NTRK2: variants seen among roughly 807,000 people sequenced by gnomAD.
NTRK2 encodes the protein neurotrophic receptor tyrosine kinase 2.
In NTRK2, 13 loss-of-function variants were observed where a neutral mutation model predicts 94.5. The observed-to-expected ratio is 0.14, with a 90% confidence interval of 0.09 to 0.22. The LOEUF (loss-of-function observed/expected upper bound fraction) is 0.22. Ranked by LOEUF, NTRK2 falls within the 10% of genes least tolerant of loss-of-function variation. The pLI is 1.00. For synonymous variants in NTRK2, 372 were observed against 407.4 expected, an observed-to-expected ratio of 0.91 and a Z score of 1.05; for missense variants, 639 against 1,071.2, an observed-to-expected ratio of 0.60 and a Z score of 5.63.
At chr9:84,766,188 G>A (rs1365739733) in intron 12 of NTRK2, among the ~76,000 whole-genome samples, 1 of 152,132 alleles carries the variant, frequency 6.6e-6, no homozygotes, top group Admixed American at 6.6e-5. Context: ...CTGCTACGAT[G>A]ACACTGGGGC....
At chr9:84,734,634 G>A (rs543136828) in intron 9 of NTRK2, among the ~76,000 whole-genome samples, 14 of 152,308 alleles carry the variant, frequency 9.2e-5, no homozygotes, top group African/African-American at 3.4e-4. Context: ...TCTCATGACA[G>A]TGAATAAGTC....
intron 12 of NTRK2, among the ~76,000 whole-genome samples, chr9:84,829,790 A>G (rs965012953): frequency 4.6e-5 from 7 of 152,098 alleles, no homozygotes; most frequent in African/African-American, 1.7e-4. Flanking sequence ...GGGTCATTTA[A>G]TCCTCTGCAC....
chr9:84,905,957 G>A (rs891148679), intron 14 of NTRK2, among the ~76,000 whole-genome samples: 5 of 152,208 alleles, frequency 3.3e-5, no homozygotes, highest in Non-Finnish European at 7.3e-5. Flanking sequence ...GAGAGAAGAG[G>A]TATAAAGAAC....
intron 12 of NTRK2, among the ~76,000 whole-genome samples, chr9:84,849,919 G>T (rs1191583270): frequency 3.9e-5 from 6 of 152,136 alleles, no homozygotes; most frequent in Non-Finnish European, 8.8e-5. Context: ...TGATGCTGTT[G>T]TATCTTATGA....
At chr9:84,934,033 T>G in intron 14 of NTRK2, 129 bp from the exon 15 acceptor site, 1 of 986,414 alleles carries the variant, frequency 1.0e-6, no homozygotes, top group South Asian at 1.4e-5. Flanking sequence ...ACCCAGCTTC[T>G]TCGGTTCACT....
At chr9:84,775,226 C>T (rs1221773308) in intron 12 of NTRK2, among the ~76,000 whole-genome samples, 2 of 152,258 alleles carry the variant, frequency 1.3e-5, no homozygotes, top group African/African-American at 2.4e-5. Context: ...GGCACCTGCT[C>T]CTCTCCCTCA....
chr9:84,896,911 G>A (rs1587858080), intron 14 of NTRK2, among the ~76,000 whole-genome samples: 1 of 152,140 alleles, frequency 6.6e-6, no homozygotes, highest in African/African-American at 2.4e-5. Flanking sequence ...AGGAGCAAGA[G>A]GAGTAGGCAT....
intron 3 of NTRK2, 29 bp from the exon 4 acceptor site, chr9:84,702,319 A>C (rs200338934): frequency 6.2e-7 from 1 of 1,612,472 alleles, no homozygotes; most frequent in East Asian, 2.2e-5. Context: ...GGTTCGTTCT[A>C]ATGTGCATGA....
chr9:84,736,315 G>C (rs961136236), intron 9 of NTRK2, among the ~76,000 whole-genome samples: 1 of 152,192 alleles, frequency 6.6e-6, no homozygotes, highest in Admixed American at 6.5e-5. Flanking sequence ...ATGCGCGTCA[G>C]GAACAAACTA....
At chr9:84,835,401 A>T (rs1239441956) in intron 12 of NTRK2, among the ~76,000 whole-genome samples, 1 of 152,140 alleles carries the variant, frequency 6.6e-6, no homozygotes, top group African/African-American at 2.4e-5. Context: ...CCACTCCAAA[A>T]GGCAGTCAGG....
At chr9:84,924,528 A>G (rs2077691552) in intron 14 of NTRK2, among the ~76,000 whole-genome samples, 1 of 152,238 alleles carries the variant, frequency 6.6e-6, no homozygotes, top group Non-Finnish European at 1.5e-5. Flanking sequence ...GAGAGCTGTC[A>G]GGGCAAATCA....
chr9:84,884,034 A>G (rs2076342552), intron 14 of NTRK2, among the ~76,000 whole-genome samples: 1 of 152,212 alleles, frequency 6.6e-6, no homozygotes, highest in Non-Finnish European at 1.5e-5. Flanking sequence ...ATTTCATTTT[A>G]TGTGATTTGA....
intron 14 of NTRK2, among the ~76,000 whole-genome samples, chr9:84,912,518 A>G (rs2132498937): frequency 6.6e-6 from 1 of 150,426 alleles, no homozygotes; most frequent in South Asian, 2.1e-4. Flanking sequence ...TCTTTGCTAT[A>G]CAGTTTACTG....
chr9:84,776,565 C>T (rs1255333038), intron 12 of NTRK2, among the ~76,000 whole-genome samples: 1 of 152,180 alleles, frequency 6.6e-6, no homozygotes, highest in Non-Finnish European at 1.5e-5. Flanking sequence ...TGTCTAAGAT[C>T]TTACCCTACT....
chr9:84,957,053 C>G (rs1224086659), intron 17 of NTRK2, among the ~76,000 whole-genome samples: 3 of 152,068 alleles, frequency 2.0e-5, no homozygotes, highest in African/African-American at 4.8e-5. Flanking sequence ...ACTTTACCTA[C>G]CAGAGATGGT....
chr9:85,003,503 C>T (rs981324535), intron 17 of NTRK2, among the ~76,000 whole-genome samples: 6 of 151,912 alleles, frequency 3.9e-5, no homozygotes, highest in South Asian at 2.1e-4. Context: ...CAGTGTGCCC[C>T]GTGTGGTAGG....
At chr9:84,903,248 G>T (rs1229646198) in intron 14 of NTRK2, among the ~76,000 whole-genome samples, 2 of 152,184 alleles carry the variant, frequency 1.3e-5, no homozygotes, top group Non-Finnish European at 2.9e-5. Context: ...TGCAGCTATA[G>T]GTGTGATACA....
At chr9:85,011,069 G>A (rs1353560955) in intron 17 of NTRK2, among the ~76,000 whole-genome samples, 2 of 152,138 alleles carry the variant, frequency 1.3e-5, no homozygotes, top group Non-Finnish European at 2.9e-5. Flanking sequence ...GGGTGTGTAG[G>A]AGAGTGAGGG....
intron 15 of NTRK2, among the ~76,000 whole-genome samples, chr9:84,937,731 A>G (rs1300559719): frequency 6.6e-6 from 1 of 152,208 alleles, no homozygotes; most frequent in Non-Finnish European, 1.5e-5. Context: ...TCTTTGATCA[A>G]ACTGAGTTAC....
Sources: gnomAD v4.1 joint callset for allele counts (sites outside exome capture counted in the v4.1 genomes callset) on GRCh38, gnomAD v4.1.1 for gene constraint, MANE v1.5 for transcripts, NCBI Gene and HGNC (gene_info 2026-07-23, HGNC 2026-07-21) for gene names.